MYO5B: variants seen among roughly 807,000 people sequenced by gnomAD.
The protein encoded by MYO5B is unconventional myosin-Vb.
Under a neutral mutation model 229.3 loss-of-function variants are expected in MYO5B, and 143 were observed. The observed-to-expected ratio is 0.62, with a 90% confidence interval of 0.54 to 0.72. The LOEUF is 0.72. Among genes scored for constraint, MYO5B ranks in the 30% least tolerant of loss-of-function variants. The pLI is 0.00. For missense variants in MYO5B, 2,321 were observed against 2,331.0 expected, an observed-to-expected ratio of 1.00 and a Z score of 0.09; for synonymous variants, 918 against 885.2, an observed-to-expected ratio of 1.04 and a Z score of -0.66.
At chr18:49,909,409 T>C (rs1307332760) in intron 18 of MYO5B, among the ~76,000 whole-genome samples, 1 of 152,226 alleles carries the variant, frequency 6.6e-6, no homozygotes, top group East Asian at 1.9e-4. Flanking sequence ...CTAGGCAACC[T>C]TGGGCAATTT....
At chr18:49,881,982 AT>A (rs1471546100) in intron 22 of MYO5B, among the ~76,000 whole-genome samples, 1 of 152,210 alleles carries the variant, frequency 6.6e-6, no homozygotes, top group African/African-American at 2.4e-5. Context: ...TGGGGGCTAA[AT>A]TGCAATTGAT....
At chr18:50,031,362 C>CTTCAAG (rs1204558187) in intron 4 of MYO5B, among the ~76,000 whole-genome samples, 1 of 152,158 alleles carries the variant, frequency 6.6e-6, no homozygotes, top group Non-Finnish European at 1.5e-5. Context: ...CAGTTACTGT[C>CTTCAAG]TTCATGACCT....
At chr18:49,866,130 G>A (rs570079360) in intron 27 of MYO5B, among the ~76,000 whole-genome samples, 18 of 152,252 alleles carry the variant, frequency 1.2e-4, no homozygotes, top group Non-Finnish European at 1.8e-4. Flanking sequence ...GTGCATTGGC[G>A]TGATCTCGGC....
intron 1 of MYO5B, among the ~76,000 whole-genome samples, chr18:50,095,085 C>G (rs758240185): frequency 6.6e-6 from 1 of 152,182 alleles, no homozygotes; most frequent in Admixed American, 6.5e-5. Flanking sequence ...TGACCTCAAC[C>G]CCACAAAGTG....
intron 5 of MYO5B, among the ~76,000 whole-genome samples, chr18:50,000,125 A>G (rs2026030021): frequency 6.6e-6 from 1 of 152,184 alleles, no homozygotes; most frequent in African/African-American, 2.4e-5. Context: ...TCAAGACTCA[A>G]TTTATGCCTG....
At chr18:50,158,051 G>A (rs2032709299) in intron 1 of MYO5B, among the ~76,000 whole-genome samples, 1 of 152,174 alleles carries the variant, frequency 6.6e-6, no homozygotes, top group African/African-American at 2.4e-5. Flanking sequence ...AGGATGGCAG[G>A]AGCACATCTA....
At chr18:50,030,279 C>T (rs564475216) in intron 4 of MYO5B, among the ~76,000 whole-genome samples, 3 of 151,258 alleles carry the variant, frequency 2.0e-5, no homozygotes, top group East Asian at 1.9e-4. Flanking sequence ...ATAGCTTCCT[C>T]GCTCCCTTTC....
At chr18:50,032,336 A>C (rs1019748575) in intron 4 of MYO5B, among the ~76,000 whole-genome samples, 1 of 152,110 alleles carries the variant, frequency 6.6e-6, no homozygotes, top group African/African-American at 2.4e-5. Flanking sequence ...ACCACCCCCC[A>C]AAAAAACATA....
At chr18:50,186,029 C>A (rs1158384989) in intron 1 of MYO5B, among the ~76,000 whole-genome samples, 1 of 152,204 alleles carries the variant, frequency 6.6e-6, no homozygotes, top group Non-Finnish European at 1.5e-5. Flanking sequence ...CTAATAACCA[C>A]ATTTAAAAGG....
chr18:49,862,571 G>A (rs74378307), intron 29 of MYO5B, among the ~76,000 whole-genome samples: 2,176 of 152,334 alleles, frequency 0.014, 24 homozygotes, highest in Non-Finnish European at 0.019. Context: ...CACCTTCTCA[G>A]ACACTCTGCC....
intron 14 of MYO5B, among the ~76,000 whole-genome samples, chr18:49,951,867 G>T (rs1337371010): frequency 6.6e-6 from 1 of 152,126 alleles, no homozygotes; most frequent in Non-Finnish European, 1.5e-5. Context: ...TGTGCCTTGG[G>T]GCTCCTCCCT....
At chr18:50,019,578 C>T (rs1424787919) in intron 4 of MYO5B, among the ~76,000 whole-genome samples, 1 of 152,246 alleles carries the variant, frequency 6.6e-6, no homozygotes, top group Non-Finnish European at 1.5e-5. Flanking sequence ...ATGTGATGTC[C>T]ATCTTGGCCA....
chr18:50,193,928 C>T (rs1050514180), intron 1 of MYO5B, among the ~76,000 whole-genome samples: 23 of 152,204 alleles, frequency 1.5e-4, no homozygotes, highest in African/African-American at 5.3e-4. Flanking sequence ...ACGCGGGCGT[C>T]TCCGCCCGGG....
intron 9 of MYO5B, among the ~76,000 whole-genome samples, chr18:49,978,545 G>A (rs1489600532): frequency 6.6e-6 from 1 of 152,038 alleles, no homozygotes; most frequent in East Asian, 1.9e-4. Context: ...GAGGCCTGGA[G>A]AGCCTCAGTC....
At chr18:50,083,520 G>A (rs1172080065) in intron 1 of MYO5B, among the ~76,000 whole-genome samples, 2 of 152,152 alleles carry the variant, frequency 1.3e-5, no homozygotes, top group East Asian at 1.9e-4. Context: ...AGGGTTTTAG[G>A]AGCTGTGTGC....
chr18:50,073,994 G>A (rs1484607481), intron 1 of MYO5B, among the ~76,000 whole-genome samples: 1 of 152,076 alleles, frequency 6.6e-6, no homozygotes, highest in Non-Finnish European at 1.5e-5. Context: ...CCTGGTCTCT[G>A]CTTCTGCTCT....
intron 1 of MYO5B, among the ~76,000 whole-genome samples, chr18:50,126,258 G>T (rs187334246): frequency 6.6e-6 from 1 of 152,148 alleles, no homozygotes; most frequent in Non-Finnish European, 1.5e-5. Flanking sequence ...CAGGGAAACA[G>T]GTCCTTTACT....
intron 4 of MYO5B, among the ~76,000 whole-genome samples, chr18:50,019,050 A>G (rs2026246628): frequency 6.6e-6 from 1 of 152,222 alleles, no homozygotes; most frequent in Admixed American, 6.5e-5. Context: ...GTTACACTCC[A>G]GAGCCATTTA....
chr18:49,918,195 G>A (rs1234733794), intron 17 of MYO5B, among the ~76,000 whole-genome samples: 2 of 152,228 alleles, frequency 1.3e-5, no homozygotes, highest in African/African-American at 4.8e-5. Context: ...ATATTCTGCA[G>A]AACAACATGC....
Sources: allele counts gnomAD v4.1 joint callset (sites outside exome capture counted in the v4.1 genomes callset), GRCh38; gene constraint gnomAD v4.1.1; transcripts MANE v1.5; gene names NCBI Gene and HGNC (gene_info 2026-07-23, HGNC 2026-07-21).